The following NT5C1A variants were observed in gnomAD, a reference collection of about 807,000 sequenced individuals.
The protein encoded by NT5C1A is cytosolic 5'-nucleotidase 1A.
NT5C1A carries 18 observed loss-of-function variants against 31.0 expected under a neutral mutation model. That is an observed-to-expected ratio of 0.58 (90% confidence interval 0.40 to 0.86). The LOEUF is 0.86. Ranked by LOEUF, NT5C1A falls within the 40% of genes least tolerant of loss-of-function variation. The pLI is 0.00. For missense variants in NT5C1A, 470 were observed against 505.4 expected, an observed-to-expected ratio of 0.93 and a Z score of 0.67; for synonymous variants, 185 against 203.6, an observed-to-expected ratio of 0.91 and a Z score of 0.78.
chr1:39,670,867 A>ACT (rs1646547090), intron 1 of NT5C1A, among the ~76,000 whole-genome samples: 1 of 109,672 alleles, frequency 9.1e-6, no homozygotes, highest in South Asian at 2.6e-4. Flanking sequence ...TCACTACTCT[A>ACT]CTCCCCCCCC....
At chr1:39,663,682 A>G (rs1314322530) in intron 3 of NT5C1A, among the ~76,000 whole-genome samples, 1 of 137,332 alleles carries the variant, frequency 7.3e-6, no homozygotes, top group Non-Finnish European at 1.5e-5. Flanking sequence ...ACAGTGCTAC[A>G]TGCCTGTGTG....
chr1:39,665,778 T>C, intron 2 of NT5C1A, 128 bp from the exon 3 acceptor site: 1 of 955,536 alleles, frequency 1.0e-6, no homozygotes, highest in Non-Finnish European at 1.6e-6. Flanking sequence ...TGAACTACCT[T>C]CTCCTAATGC....
chr1:39,661,057 G>A (rs779211760), intron 5 of NT5C1A, 22 bp downstream of exon 5: 2 of 1,500,646 alleles, frequency 1.3e-6, no homozygotes, highest in Non-Finnish European at 1.8e-6. Flanking sequence ...CCTCTCAGGG[G>A]TTCTGGGTCT....
chr1:39,668,802 C>T (rs1018266899), intron 1 of NT5C1A, among the ~76,000 whole-genome samples: 5 of 152,184 alleles, frequency 3.3e-5, no homozygotes, highest in Non-Finnish European at 7.3e-5. Flanking sequence ...GAATGGGGGT[C>T]CCAAGGGCAG....
At chr1:39,671,357 C>G (rs1249646307) in intron 1 of NT5C1A, among the ~76,000 whole-genome samples, 2 of 152,344 alleles carry the variant, frequency 1.3e-5, no homozygotes, top group South Asian at 4.1e-4. Context: ...CGCCCCCCAG[C>G]GCAGAGTGTG....
chr1:39,667,193 C>T (rs1263709052), intron 1 of NT5C1A, among the ~76,000 whole-genome samples: 3 of 133,214 alleles, frequency 2.3e-5, no homozygotes, highest in African/African-American at 8.6e-5. Flanking sequence ...ATACTTTCCC[C>T]CTCTTTTTTT....
chr1:39,671,351 C>T (rs1469435944), intron 1 of NT5C1A, among the ~76,000 whole-genome samples: 3 of 152,210 alleles, frequency 2.0e-5, no homozygotes, highest in Admixed American at 6.5e-5. Context: ...GCCGATCGCC[C>T]CCCAGCGCAG....
At position 39,659,190 on chromosome 1, in the gene NT5C1A, A is replaced by G. The variant is rs1646477413; in HGVS notation, c.1038T>C (p.His346=). The G allele has an allele frequency of 1.2e-6, 2 of 1,614,026 alleles. No homozygotes were observed. The highest frequency in any genetic ancestry group is 4.5e-5 in the East Asian group (2 of 44,886). ...GAQEMGTVAA[H]VPYGVAQTPR... ...GTGTCTGTGCCACACCATAAGGCAC[A>G]TGGGCGGCCACAGTGCCCATCTCCT... The change falls in exon 6 of 6, where the codon CAT becomes CAC. Residue 346 remains histidine, a synonymous_variant. Coordinates refer to ENST00000235628, the MANE Select transcript of NT5C1A (RefSeq NM_032526.3).
At chr1:39,665,089 T>C (rs1646514242) in intron 3 of NT5C1A, among the ~76,000 whole-genome samples, 1 of 152,214 alleles carries the variant, frequency 6.6e-6, no homozygotes. Flanking sequence ...ACAAAGCCCT[T>C]TCACTCTGAC....
At position 39,652,487 on chromosome 1, in the gene NT5C1A, T is replaced by C. The variant is rs1646437684; in HGVS notation, c.*6634A>G. ...ATTTATGTTTCCTGCCTCGCCCCTG[T>C]AGGCATTGGGGTTTGTGACCCTGGC... On this transcript the variant is annotated 3_prime_UTR_variant, in exon 6 of 6. Coordinates refer to ENST00000235628, the MANE Select transcript of NT5C1A (RefSeq NM_032526.3). Among the ~76,000 whole-genome samples, 3 of 152,122 alleles carry C rather than the reference T, an allele frequency of 2.0e-5. No individual in the cohort carries two copies. The South Asian group carries it at 6.2e-4, about 32-fold the overall frequency.
intron 3 of NT5C1A, among the ~76,000 whole-genome samples, chr1:39,664,490 C>CCCTCTCCTCTCCTCTCCTCTCCT (rs1553485419): frequency 1.0e-3 from 3 of 2,898 alleles, no homozygotes; most frequent in South Asian, 0.021. Flanking sequence ...GTGGATTTCT[C>CCCTCTCCTCTCCTCTCCTCTCCT]CTCCTCTCCT....
Position 39,659,498 on chromosome 1 carries a change from C to T in NT5C1A, c.742-12G>A. ...CCCTTTAAGGGGCCCTATGAGAAGG[C>T]AAGGGGAACATTGTTAGCTCTACCA... On this transcript the variant is annotated splice_polypyrimidine_tract_variant and intron_variant, in intron 5 of 5. Coordinates refer to ENST00000235628, the MANE Select transcript of NT5C1A (RefSeq NM_032526.3). 6 of 1,542,974 alleles carry T rather than the reference C, an allele frequency of 3.9e-6. No homozygotes were observed. Among genetic ancestry groups the T allele is most frequent in the Non-Finnish European group, 5.2e-6 (6 of 1,144,574 alleles).
In NT5C1A at chr1:39,659,158, C is replaced by G; in HGVS notation, c.1070G>C (p.Arg357Pro). ...TGGGGCCTGCTTTGCAGGTGCAGTC[C>G]GCCGGGGTGTCTGTGCCACACCATA... Reference protein sequence around the residue: ...VPYGVAQTPRRTAPAKQAPSA... With the variant: ...VPYGVAQTPRPTAPAKQAPSA... Residue 357 changes from arginine to proline, a missense_variant, in exon 6 of 6, where the codon CGG (arginine) becomes CCG (proline). Physicochemically the swap from Arg to Pro is moderately radical, Grantham distance 103. Coordinates refer to ENST00000235628, the MANE Select transcript of NT5C1A (RefSeq NM_032526.3). 3 of 1,610,558 alleles carry G rather than the reference C, an allele frequency of 1.9e-6. No homozygotes were observed. Among genetic ancestry groups the G allele is most frequent in the Non-Finnish European group, 2.5e-6 (3 of 1,177,734 alleles).
At chr1:39,670,671 CT>C (rs1357526726) in intron 1 of NT5C1A, among the ~76,000 whole-genome samples, 1 of 152,228 alleles carries the variant, frequency 6.6e-6, no homozygotes, top group Non-Finnish European at 1.5e-5. Context: ...TTCCACATCC[CT>C]CCAGCTCTTC....
Position 39,653,515 on chromosome 1 carries a change from G to T in NT5C1A, c.*5606C>A, listed in dbSNP as rs143728081. On this transcript the variant is annotated 3_prime_UTR_variant, in exon 6 of 6. Transcript: ENST00000235628. ...ATCCATACACACAATCACAGTAATT[G>T]CCGGCAAGAGCAATCGGCTCGTCAC... Among the ~76,000 whole-genome samples the T allele has an allele frequency of 2.7e-3, 411 of 152,244 alleles. 2 individuals are homozygous for T. Among genetic ancestry groups the T allele is most frequent in the Non-Finnish European group, 4.2e-3 (285 of 68,006 alleles).
intron 4 of NT5C1A, among the ~76,000 whole-genome samples, chr1:39,662,010 G>A (rs1266312069): frequency 6.6e-6 from 1 of 152,162 alleles, no homozygotes; most frequent in Middle Eastern, 3.2e-3. Context: ...TGCAACCCTG[G>A]GCTCCTCCAG....
rs1274710775 is a variant in NT5C1A, at chr1:39,659,109, C to A, written c.*12G>T. On this transcript the variant is annotated 3_prime_UTR_variant, in exon 6 of 6. Transcript: ENST00000235628. ...CCTGGAGCAATGTGGATCAGTAAAG[C>A]CGGTGGTTCAGCTACTGTGCAGATG... The A allele has an allele frequency of 1.3e-6, 2 of 1,574,308 alleles. No homozygotes were observed.
intron 1 of NT5C1A, among the ~76,000 whole-genome samples, chr1:39,669,067 C>T (rs1364892924): frequency 6.6e-6 from 1 of 152,182 alleles, no homozygotes; most frequent in African/African-American, 2.4e-5. Flanking sequence ...GGAACAGTTC[C>T]TCCAGAGAGC....
chr1:39,664,282 T>C (rs1287605701), intron 3 of NT5C1A, among the ~76,000 whole-genome samples: 2 of 150,582 alleles, frequency 1.3e-5, no homozygotes, highest in Non-Finnish European at 3.0e-5. Flanking sequence ...GCCTCCCGAG[T>C]AGCTGGGACC....
Sources: allele counts gnomAD v4.1 joint callset (sites outside exome capture counted in the v4.1 genomes callset), GRCh38; gene constraint gnomAD v4.1.1; transcripts MANE v1.5; gene names NCBI Gene and HGNC (gene_info 2026-07-23, HGNC 2026-07-21).